The following NDRG3 variants were observed in gnomAD, a reference collection of about 807,000 sequenced individuals.
NDRG3 encodes the protein NDRG family member 3.
In NDRG3, 23 loss-of-function variants were observed where a neutral mutation model predicts 57.2. The ratio of observed to expected loss-of-function variants is 0.40; its 90% CI spans 0.29 to 0.57. NDRG3 has a LOEUF of 0.57. Ranked by LOEUF, NDRG3 falls within the 20% of genes least tolerant of loss-of-function variation. The pLI, the probability that NDRG3 is intolerant of heterozygous loss-of-function variation, is 0.42. For synonymous variants in NDRG3, 132 were observed against 162.6 expected, an observed-to-expected ratio of 0.81 and a Z score of 1.43; for missense variants, 384 against 457.3, an observed-to-expected ratio of 0.84 and a Z score of 1.46.
intron 3 of NDRG3, among the ~76,000 whole-genome samples, chr20:36,695,843 T>A (rs914694478): frequency 3.9e-5 from 6 of 152,158 alleles, no homozygotes; most frequent in African/African-American, 1.4e-4. Context: ...AAGCATGTGA[T>A]CTCTGTGACC....
chr20:36,718,618 C>G (rs1344885809), intron 2 of NDRG3, among the ~76,000 whole-genome samples: 1 of 152,094 alleles, frequency 6.6e-6, no homozygotes, highest in South Asian at 2.1e-4. Context: ...GGTTTGTGGA[C>G]AGCTGCCTTC....
intron 1 of NDRG3, among the ~76,000 whole-genome samples, chr20:36,725,316 A>T (rs1984857376): frequency 6.7e-6 from 1 of 150,042 alleles, no homozygotes; most frequent in Admixed American, 6.6e-5. Context: ...AAAAGAAGAA[A>T]ATATGGAAAT....
At chr20:36,738,370 C>T (rs1302703494) in intron 1 of NDRG3, among the ~76,000 whole-genome samples, 1 of 151,400 alleles carries the variant, frequency 6.6e-6, no homozygotes, top group Non-Finnish European at 1.5e-5. Flanking sequence ...TGGCAGGTAC[C>T]TATAATCCCA....
Position 36,665,321 on chromosome 20 carries a change from G to A in NDRG3, c.693-20C>T. On this transcript the variant is annotated intron_variant, in intron 10 of 15. Coordinates refer to ENST00000349004, the MANE Select transcript of NDRG3 (RefSeq NM_032013.4). The stretch of plus-strand genomic sequence containing the variant: ...CTGCGTCTAGAAAAACAAAGCAGAA[G>A]CAATGCCCTTTTTGGGTAAAGTCAT... 1 of 1,612,682 alleles carries A rather than the reference G, an allele frequency of 6.2e-7. No individual in the cohort carries two copies. Among genetic ancestry groups the A allele is most frequent in the Non-Finnish European group, 8.5e-7 (1 of 1,178,742 alleles).
chr20:36,681,520 C>T (rs1416370003), intron 7 of NDRG3, among the ~76,000 whole-genome samples: 2 of 150,454 alleles, frequency 1.3e-5, no homozygotes, highest in Non-Finnish European at 3.0e-5. Flanking sequence ...CCTGTAATCC[C>T]AGCTACTCAG....
chr20:36,678,749 ATTC>A (rs112356294), intron 8 of NDRG3, among the ~76,000 whole-genome samples: 3 of 152,354 alleles, frequency 2.0e-5, no homozygotes, highest in African/African-American at 7.2e-5. Context: ...GTAATTAAAA[ATTC>A]TTATTTTAAT....
intron 3 of NDRG3, among the ~76,000 whole-genome samples, chr20:36,700,279 A>T (rs1983132214): frequency 6.6e-6 from 1 of 152,122 alleles, no homozygotes; most frequent in Non-Finnish European, 1.5e-5. Flanking sequence ...CCCTCAAGTC[A>T]TGTAACAACA....
intron 5 of NDRG3, 102 bp downstream of exon 5, chr20:36,687,390 G>T (rs776442780): frequency 4.1e-5 from 57 of 1,403,310 alleles, no homozygotes; most frequent in Non-Finnish European, 5.2e-5. Context: ...ACCTATAGAC[G>T]GTAATAAAAT....
At chr20:36,696,472 C>T (rs1462913162) in intron 3 of NDRG3, among the ~76,000 whole-genome samples, 1 of 151,968 alleles carries the variant, frequency 6.6e-6, no homozygotes, top group African/African-American at 2.4e-5. Context: ...TGAGCCACCG[C>T]GTGTGGCCTC....
At chr20:36,713,896 T>C (rs1984065062) in intron 2 of NDRG3, among the ~76,000 whole-genome samples, 1 of 152,042 alleles carries the variant, frequency 6.6e-6, no homozygotes, top group African/African-American at 2.4e-5. Context: ...AATAAGCTGA[T>C]AAAAAACTGT....
chr20:36,689,537 T>C (rs1218561996), intron 3 of NDRG3, among the ~76,000 whole-genome samples: 1 of 152,130 alleles, frequency 6.6e-6, no homozygotes, highest in Non-Finnish European at 1.5e-5. Flanking sequence ...CAGACACCTA[T>C]GGGTGTATCT....
chr20:36,662,072 T>C (rs1483080624), intron 12 of NDRG3, among the ~76,000 whole-genome samples: 2 of 152,190 alleles, frequency 1.3e-5, no homozygotes, highest in Non-Finnish European at 2.9e-5. Flanking sequence ...TAGAACATAG[T>C]AGATAGACTA....
intron 2 of NDRG3, among the ~76,000 whole-genome samples, chr20:36,712,587 A>ATATATATATATATTTT: frequency 3.4e-4 from 2 of 5,908 alleles, no homozygotes; most frequent in Non-Finnish European, 6.2e-4. Context: ...ATATATATAT[A>ATATATATATATATTTT]TTTTTTTTTT....
intron 1 of NDRG3, among the ~76,000 whole-genome samples, chr20:36,724,092 T>C (rs1454817978): frequency 6.6e-6 from 1 of 152,206 alleles, no homozygotes; most frequent in Non-Finnish European, 1.5e-5. Context: ...GGAGAGGGTA[T>C]GTGTTCCAGG....
chr20:36,662,230 C>CTTT (rs749800383), intron 12 of NDRG3, among the ~76,000 whole-genome samples: 1 of 139,228 alleles, frequency 7.2e-6, no homozygotes, highest in Non-Finnish European at 1.6e-5. Context: ...TTTTCTTTTT[C>CTTT]TTTTTTTTTT....
At chr20:36,689,285 A>G (rs953437899) in intron 3 of NDRG3, among the ~76,000 whole-genome samples, 4 of 152,192 alleles carry the variant, frequency 2.6e-5, no homozygotes, top group Non-Finnish European at 4.4e-5. Flanking sequence ...AAAAATAAAT[A>G]GGGAGCAAAA....
chr20:36,724,905 G>C (rs1459337367), intron 1 of NDRG3, among the ~76,000 whole-genome samples: 1 of 152,060 alleles, frequency 6.6e-6, no homozygotes, highest in Non-Finnish European at 1.5e-5. Context: ...CTCCAGCCTG[G>C]GCAACAGAAC....
At chr20:36,654,727 C>A in intron 15 of NDRG3, 3 of 776,074 alleles carry the variant, frequency 3.9e-6, no homozygotes, top group Non-Finnish European at 7.2e-6. Context: ...AGGAAGACCG[C>A]GGACATGCTG....
chr20:36,656,513 A>G lies in NDRG3; in HGVS notation c.878T>C (p.Leu293Pro), dbSNP rs764576424. ...TLLKMADCGG[L>P]PQVVQPGKLT... is the part of the protein sequence containing the mutation. ...TCTCCTTACCTGAACTACCTGGGGC[A>G]GTCCCCCACAGTCCGCCATCTAGAA... is the stretch of plus-strand genomic sequence containing the variant. The change falls in exon 14 of 16, where the codon CTG (leucine) becomes CCG (proline). Residue 293 changes from leucine (L) to proline (P), a missense_variant. Physicochemically the swap from Leu to Pro is moderately conservative, Grantham distance 98 (BLOSUM62 -3). Transcript: ENST00000349004. The G allele has an allele frequency of 5.6e-6, 9 of 1,614,032 alleles. No homozygotes were observed. Among genetic ancestry groups the G allele is most frequent in the Non-Finnish European group, 7.6e-6 (9 of 1,179,976 alleles).
Sources: allele counts gnomAD v4.1 joint callset (sites outside exome capture counted in the v4.1 genomes callset), GRCh38; gene constraint gnomAD v4.1.1; transcripts MANE v1.5; gene names NCBI Gene and HGNC (gene_info 2026-07-23, HGNC 2026-07-21).